Variants in MAD1L1 observed in about 807,000 individuals in gnomAD.
MAD1L1 encodes mitotic arrest deficient 1 like 1.
MAD1L1 carries 95 observed loss-of-function variants against 96.9 expected under a neutral mutation model. The ratio of observed to expected loss-of-function variants is 0.98; its 90% CI spans 0.83 to 1.16. The LOEUF (loss-of-function observed/expected upper bound fraction) is 1.16, where lower values mean the gene tolerates loss of function less well. Among genes scored for constraint, MAD1L1 ranks in the 50% most tolerant of loss-of-function variants. The pLI is 0.00. For missense variants in MAD1L1, 1,007 were observed against 954.4 expected, an observed-to-expected ratio of 1.06 and a Z score of -0.73; for synonymous variants, 473 against 396.6, an observed-to-expected ratio of 1.19 and a Z score of -2.29.
intron 12 of MAD1L1, among the ~76,000 whole-genome samples, chr7:2,018,941 T>A (rs1782661766): frequency 6.6e-6 from 1 of 151,956 alleles, no homozygotes. Context: ...CTCAGCCACC[T>A]CCACCCAACT....
At chr7:1,901,413 G>A (rs1233786341) in intron 17 of MAD1L1, among the ~76,000 whole-genome samples, 1 of 152,198 alleles carries the variant, frequency 6.6e-6, no homozygotes, top group Non-Finnish European at 1.5e-5. Flanking sequence ...TCCTCTCAGA[G>A]ACCCCAGAAG....
chr7:2,193,204 C>T (rs1791811969), intron 10 of MAD1L1: 1 of 152,558 alleles, frequency 6.6e-6, no homozygotes, highest in African/African-American at 2.4e-5. Flanking sequence ...CAAACTGAGG[C>T]TGACAGGTGC....
chr7:2,117,140 A>G (rs1787746526), intron 11 of MAD1L1, among the ~76,000 whole-genome samples: 1 of 152,190 alleles, frequency 6.6e-6, no homozygotes, highest in South Asian at 2.1e-4. Flanking sequence ...AGCAGCTAAG[A>G]GTCTCCTGCA....
chr7:1,996,065 A>G (rs1435429723), intron 14 of MAD1L1, among the ~76,000 whole-genome samples: 1 of 152,180 alleles, frequency 6.6e-6, no homozygotes, highest in Non-Finnish European at 1.5e-5. Context: ...GTCCATCTTC[A>G]GTAGCAGCAC....
chr7:1,912,950 G>C lies in MAD1L1; in HGVS notation c.1808-14560C>G, dbSNP rs187199714. Reference sequence around the variant, plus strand: ...CGGCCGCTTTGCATGCCGCGTTCATGATTAATTTCCCACCGAGGCTTGCAG... The same window carrying C: ...CGGCCGCTTTGCATGCCGCGTTCATCATTAATTTCCCACCGAGGCTTGCAG... On this transcript the variant is annotated intron_variant, in intron 17 of 18. Transcript: ENST00000265854. Among the ~76,000 whole-genome samples, 141 of 152,222 alleles carry C rather than the reference G, an allele frequency of 9.3e-4. 5 individuals are homozygous for C. In the East Asian group the frequency reaches 0.018, roughly 19 times the overall value.
intron 10 of MAD1L1, among the ~76,000 whole-genome samples, chr7:2,156,294 C>T (rs1789842616): frequency 6.6e-6 from 1 of 151,890 alleles, no homozygotes; most frequent in South Asian, 2.1e-4. Flanking sequence ...TTTCACGGCG[C>T]GTGTGGCGAG....
intron 17 of MAD1L1, among the ~76,000 whole-genome samples, chr7:1,915,409 G>A (rs1428662414): frequency 6.6e-6 from 1 of 152,188 alleles, no homozygotes; most frequent in African/African-American, 2.4e-5. Context: ...AAAGCCACGC[G>A]CTTCCCGGGA....
At chr7:1,908,041 G>A (rs560979651) in intron 17 of MAD1L1, among the ~76,000 whole-genome samples, 66 of 152,358 alleles carry the variant, frequency 4.3e-4, no homozygotes, top group African/African-American at 1.2e-3. Flanking sequence ...GCTCTTAGCA[G>A]ACATGGGTGA....
intron 9 of MAD1L1, 60 bp from the exon 10 acceptor site, chr7:2,213,333 A>G (rs945991007): frequency 1.2e-5 from 17 of 1,477,344 alleles, no homozygotes; most frequent in Non-Finnish European, 1.6e-5. Flanking sequence ...ATCACATAAG[A>G]CTGACAATCA....
intron 16 of MAD1L1, among the ~76,000 whole-genome samples, chr7:1,951,451 G>C (rs1191399793): frequency 1.3e-5 from 2 of 152,164 alleles, no homozygotes; most frequent in Non-Finnish European, 2.9e-5. Context: ...ACAGGAAGCT[G>C]ACCGCCATAA....
In MAD1L1 at chr7:2,082,608, T is replaced by C. The variant is rs965358582; in HGVS notation, c.1074-13270A>G. The stretch of plus-strand genomic sequence containing the variant: ...AAGTGGAAGGACCAGGCTGAGGAGA[T>C]TGAGCTCTGAGGATCAAGGGGCTCA... On this transcript the variant is annotated intron_variant, in intron 11 of 18. Coordinates refer to ENST00000265854, the MANE Select transcript of MAD1L1 (RefSeq NM_001013836.2). Among the ~76,000 whole-genome samples the C allele has an allele frequency of 7.2e-5, 11 of 152,252 alleles. 1 individual carries two copies. The South Asian group carries it at 8.3e-4, about 11-fold the overall frequency.
At chr7:1,951,397 C>T (rs1435937730) in intron 16 of MAD1L1, among the ~76,000 whole-genome samples, 1 of 152,230 alleles carries the variant, frequency 6.6e-6, no homozygotes, top group African/African-American at 2.4e-5. Context: ...TGGCTCACTC[C>T]TAACAAGCTG....
At chr7:1,995,483 G>A (rs1272303575) in intron 14 of MAD1L1, among the ~76,000 whole-genome samples, 1 of 152,232 alleles carries the variant, frequency 6.6e-6, no homozygotes, top group Non-Finnish European at 1.5e-5. Context: ...CACAGCAAGA[G>A]AGGTGACAGG....
At chr7:1,999,308 T>A (rs989366830) in intron 14 of MAD1L1, among the ~76,000 whole-genome samples, 1 of 152,044 alleles carries the variant, frequency 6.6e-6, no homozygotes, top group Non-Finnish European at 1.5e-5. Context: ...ATACTCCAAT[T>A]TCTCCAATTT....
intron 11 of MAD1L1, among the ~76,000 whole-genome samples, chr7:2,069,983 C>A (rs1785049214): frequency 1.3e-5 from 2 of 151,882 alleles, no homozygotes. Context: ...CCTACGTTAC[C>A]ACAATAGCCT....
intron 17 of MAD1L1, among the ~76,000 whole-genome samples, chr7:1,907,179 A>G (rs777276436): frequency 2.8e-4 from 42 of 151,674 alleles, no homozygotes; most frequent in Non-Finnish European, 2.9e-4. Flanking sequence ...CATCCCCACT[A>G]TCTCCCCACT....
intron 11 of MAD1L1, among the ~76,000 whole-genome samples, chr7:2,075,524 T>C (rs575139353): frequency 7.9e-5 from 12 of 152,252 alleles, no homozygotes; most frequent in African/African-American, 2.9e-4. Flanking sequence ...GTCACTGGCA[T>C]TTCCGTGAGC....
chr7:2,146,138 G>A lies in MAD1L1; in HGVS notation c.1073+3014C>T, dbSNP rs566413219. ...GCCAAGCTCCTGAAAACAGGCACACGAATGACCCAGCCGTCACTTCAGAAG... is the reference window on the plus strand; with the variant it reads ...GCCAAGCTCCTGAAAACAGGCACACAAATGACCCAGCCGTCACTTCAGAAG... On this transcript the variant is annotated intron_variant, in intron 11 of 18. Coordinates refer to ENST00000265854, the MANE Select transcript of MAD1L1 (RefSeq NM_001013836.2). This position sits in a 1 kb window ranked among gnomAD's most constrained non-coding sequence, Gnocchi z 6.2. Among the ~76,000 whole-genome samples, 48 of 152,316 alleles carry A rather than the reference G, an allele frequency of 3.2e-4. No individual in the cohort carries two copies. Among genetic ancestry groups the A allele is most frequent in the Admixed American group, 9.2e-4 (14 of 15,298 alleles).
intron 18 of MAD1L1, among the ~76,000 whole-genome samples, chr7:1,869,566 C>A (rs560167681): frequency 6.6e-6 from 1 of 152,078 alleles, no homozygotes; most frequent in South Asian, 2.1e-4. Context: ...CACAGGGACC[C>A]GGGAAAAAAC....
Sources: allele counts gnomAD v4.1 joint callset (sites outside exome capture counted in the v4.1 genomes callset), GRCh38; gene constraint gnomAD v4.1.1; non-coding constraint Gnocchi (gnomAD v3.1); transcripts MANE v1.5; gene names NCBI Gene and HGNC (gene_info 2026-07-23, HGNC 2026-07-21).